HMCN1: variants seen among roughly 807,000 people sequenced by gnomAD.
HMCN1 encodes hemicentin-1.
A neutral mutation model predicts 625.9 loss-of-function variants in HMCN1; 321 were observed. That is an observed-to-expected ratio of 0.51 (90% CI 0.47 to 0.56). The LOEUF (loss-of-function observed/expected upper bound fraction) is 0.56. Ranked by LOEUF, HMCN1 falls within the 20% of genes least tolerant of loss-of-function variation. HMCN1 has a pLI of 0.00. For synonymous variants in HMCN1, 2,425 were observed against 2,417.6 expected, an observed-to-expected ratio of 1.00 and a Z score of -0.09; for missense variants, 6,588 against 6,887.3, an observed-to-expected ratio of 0.96 and a Z score of 1.54.
chr1:186,088,416 A>C, intron 62 of HMCN1, 140 bp downstream of exon 62: 3 of 1,419,064 alleles, frequency 2.1e-6, no homozygotes. Flanking sequence ...TGAAATACAG[A>C]TTTACAAAAT....
chr1:185,775,831 G>C (rs1656564878), intron 1 of HMCN1, among the ~76,000 whole-genome samples: 1 of 152,200 alleles, frequency 6.6e-6, no homozygotes. Context: ...CATTGGGGGA[G>C]TTATTGGGAA....
At chr1:185,763,129 C>A (rs1022925824) in intron 1 of HMCN1, among the ~76,000 whole-genome samples, 3 of 152,068 alleles carry the variant, frequency 2.0e-5, no homozygotes, top group African/African-American at 7.2e-5. Flanking sequence ...TTGATCATGC[C>A]TGGAGAGATT....
intron 11 of HMCN1, among the ~76,000 whole-genome samples, chr1:185,957,382 T>G (rs1302134014): frequency 6.6e-6 from 1 of 152,214 alleles, no homozygotes; most frequent in Non-Finnish European, 1.5e-5. Flanking sequence ...TGCTTAATTT[T>G]CAAATGCTTA....
intron 56 of HMCN1, 98 bp from the exon 57 acceptor site, chr1:186,082,767 A>C (rs1659241481): frequency 1.8e-6 from 1 of 542,294 alleles, no homozygotes; most frequent in Non-Finnish European, 3.0e-6. Context: ...TCTGGTATTA[A>C]ATAGAAATAA....
At chr1:186,062,464 G>A (rs1657766372) in intron 47 of HMCN1, 50 bp from the exon 48 acceptor site, 1 of 1,055,516 alleles carries the variant, frequency 9.5e-7, no homozygotes, top group African/African-American at 1.6e-5. Flanking sequence ...CTATAAAATA[G>A]CAGCTTTGCT....
chr1:185,817,404 C>T (rs1169903636), intron 1 of HMCN1, among the ~76,000 whole-genome samples: 1 of 151,940 alleles, frequency 6.6e-6, no homozygotes, highest in East Asian at 1.9e-4. Context: ...ACTTTGGGGC[C>T]TGAATGCATA....
At chr1:186,009,744 A>G (rs1653873784) in intron 30 of HMCN1, among the ~76,000 whole-genome samples, 1 of 152,192 alleles carries the variant, frequency 6.6e-6, no homozygotes, top group Non-Finnish European at 1.5e-5. Flanking sequence ...AATGTCAAAC[A>G]GGGAAAAAAG....
At chr1:186,009,209 T>C (rs1012727250) in intron 30 of HMCN1, among the ~76,000 whole-genome samples, 10 of 152,276 alleles carry the variant, frequency 6.6e-5, no homozygotes, top group Admixed American at 3.9e-4. Context: ...TGAATACATT[T>C]TGGTGATTCA....
intron 31 of HMCN1, among the ~76,000 whole-genome samples, chr1:186,015,699 A>G (rs1654319871): frequency 6.6e-6 from 1 of 152,140 alleles, no homozygotes; most frequent in Admixed American, 6.6e-5. Flanking sequence ...AAGGCAAAGT[A>G]GTTGTTGGGA....
chr1:185,998,072 G>T (rs940650125), intron 25 of HMCN1, among the ~76,000 whole-genome samples: 2 of 152,176 alleles, frequency 1.3e-5, no homozygotes, highest in East Asian at 3.9e-4. Context: ...TTTCTGCCAG[G>T]AGATTGATAT....
chr1:186,151,235 A>C lies in HMCN1; in HGVS notation c.14644A>C (p.Asn4882His). Residue 4882 changes from asparagine (N) to histidine (H), a missense_variant, in exon 94 of 107, where the codon AAT becomes CAT. By Grantham distance (68) the Asn-to-His change is moderately conservative. Coordinates refer to ENST00000271588, the MANE Select transcript of HMCN1 (RefSeq NM_031935.3). ...PQRARGSVIG[N>H]INDVEFGIAF... Reference sequence around the variant, plus strand: ...GCGAGCCAGAGGAAGTGTTATTGGAAATATTAATGATGTTGAATTTGGAAT... The same window carrying C: ...GCGAGCCAGAGGAAGTGTTATTGGACATATTAATGATGTTGAATTTGGAAT... 6.2e-7 allele frequency: 1 copy of C among 1,613,856 alleles called. No individual in the cohort carries two copies. The highest frequency in any genetic ancestry group is 8.5e-7 in the Non-Finnish European group (1 of 1,179,786).
intron 9 of HMCN1, 49 bp from the exon 10 acceptor site, chr1:185,928,497 T>G: frequency 6.6e-7 from 1 of 1,509,044 alleles, no homozygotes; most frequent in Non-Finnish European, 9.2e-7. Flanking sequence ...TGCTTTCAAC[T>G]TGGTCTTATT....
intron 1 of HMCN1, among the ~76,000 whole-genome samples, chr1:185,808,680 G>A (rs1161187126): frequency 3.3e-5 from 5 of 152,092 alleles, no homozygotes; most frequent in Non-Finnish European, 5.9e-5. Context: ...TTTGATGTTT[G>A]CAATTTGATA....
At chr1:186,021,115 G>A (rs1178476435) in intron 35 of HMCN1, among the ~76,000 whole-genome samples, 1 of 152,112 alleles carries the variant, frequency 6.6e-6, no homozygotes, top group Non-Finnish European at 1.5e-5. Context: ...AGACTCATAT[G>A]TTGGCCATGC....
intron 31 of HMCN1, 121 bp from the exon 32 acceptor site, chr1:186,015,837 T>C (rs914483844): frequency 3.5e-6 from 3 of 860,838 alleles, no homozygotes; most frequent in Non-Finnish European, 5.7e-6. Flanking sequence ...GAGACAGGCA[T>C]ATAGGTAGAT....
chr1:186,120,259 C>A, intron 80 of HMCN1, 114 bp downstream of exon 80: 1 of 1,204,380 alleles, frequency 8.3e-7, no homozygotes. Context: ...TCTCGACATT[C>A]TTAGTTTGCA....
chr1:185,829,909 T>G (rs1444863904), intron 1 of HMCN1, among the ~76,000 whole-genome samples: 2 of 152,202 alleles, frequency 1.3e-5, no homozygotes, highest in Non-Finnish European at 2.9e-5. Context: ...CCAGAATCTA[T>G]TGTTTCCTGA....
At chr1:185,743,492 T>C (rs1460009810) in intron 1 of HMCN1, among the ~76,000 whole-genome samples, 2 of 152,322 alleles carry the variant, frequency 1.3e-5, no homozygotes, top group African/African-American at 4.8e-5. Flanking sequence ...GTCTGGAATG[T>C]TTCAGCTGTA....
intron 104 of HMCN1, 38 bp downstream of exon 104, chr1:186,178,804 T>C (rs967555671): frequency 7.5e-7 from 1 of 1,331,922 alleles, no homozygotes; most frequent in African/African-American, 1.4e-5. Context: ...TTCTGTGGGC[T>C]CTCTTACTGA....
Sources: gnomAD v4.1 joint callset for allele counts (sites outside exome capture counted in the v4.1 genomes callset) on GRCh38, gnomAD v4.1.1 for gene constraint, MANE v1.5 for transcripts, NCBI Gene and HGNC (gene_info 2026-07-23, HGNC 2026-07-21) for gene names.